The following CDH11 variants were observed in gnomAD, a reference collection of about 807,000 sequenced individuals.
The protein encoded by CDH11 is cadherin 11.
A neutral mutation model predicts 67.8 loss-of-function variants in CDH11; 11 were observed. The ratio of observed to expected loss-of-function variants is 0.16; its 90% CI spans 0.10 to 0.27. CDH11 has a LOEUF of 0.27. Among genes scored for constraint, CDH11 ranks in the 10% least tolerant of loss-of-function variants. The probability of loss-of-function intolerance (pLI) is 1.00; values close to 1 mark genes in which losing one functional copy is unlikely to be tolerated. For missense variants in CDH11, 847 were observed against 1,031.2 expected (o/e 0.82, Z 2.45); for synonymous variants, 419 against 400.0 (o/e 1.05, Z -0.57).
chr16:65,060,260 G>T (rs2074214783), intron 1 of CDH11, among the ~76,000 whole-genome samples: 1 of 151,880 alleles, frequency 6.6e-6, no homozygotes, highest in African/African-American at 2.4e-5. Flanking sequence ...ACTCAGCAAT[G>T]ATGATTTTGC....
intron 7 of CDH11, among the ~76,000 whole-genome samples, chr16:64,984,545 C>T (rs912760668): frequency 6.6e-6 from 1 of 152,106 alleles, no homozygotes; most frequent in African/African-American, 2.4e-5. Context: ...CTTAATACCC[C>T]GTAGTTTACT....
Position 64,951,030 on chromosome 16 carries a change from G to C in CDH11, c.1643-12C>G, listed in dbSNP as rs911983831. ...GCCTGCTGTGTTATCTGCAGAAAGA[G>C]GGGAGACAGGCCGTGCGCCCAGTCA... On this transcript the variant is annotated splice_polypyrimidine_tract_variant and intron_variant, in intron 11 of 12. Coordinates refer to ENST00000268603, the MANE Select transcript of CDH11 (RefSeq NM_001797.4). The C allele has an allele frequency of 8.1e-6, 13 of 1,609,252 alleles. No individual in the cohort carries two copies. The highest frequency in any genetic ancestry group is 1.0e-5 in the Non-Finnish European group (12 of 1,176,940).
At chr16:65,021,247 C>T (rs1216709678) in intron 2 of CDH11, among the ~76,000 whole-genome samples, 1 of 152,160 alleles carries the variant, frequency 6.6e-6, no homozygotes, top group African/African-American at 2.4e-5. Context: ...AAGTAAAAAA[C>T]ACCAGGTAAC....
At chr16:64,993,454 G>T (rs1449266839) in intron 4 of CDH11, among the ~76,000 whole-genome samples, 2 of 152,136 alleles carry the variant, frequency 1.3e-5, no homozygotes, top group Non-Finnish European at 2.9e-5. Flanking sequence ...AGGACAGAGT[G>T]CAATCTTCCA....
intron 1 of CDH11, among the ~76,000 whole-genome samples, chr16:65,099,252 T>TA (rs2074950000): frequency 6.6e-6 from 1 of 152,228 alleles, no homozygotes; most frequent in South Asian, 2.1e-4. Context: ...ATGGAATATT[T>TA]AAAAAAACAG....
intron 1 of CDH11, among the ~76,000 whole-genome samples, chr16:65,076,544 A>G (rs1000411258): frequency 1.3e-5 from 2 of 151,992 alleles, no homozygotes; most frequent in African/African-American, 4.8e-5. Context: ...TATTTTTTTC[A>G]ATACTTTAAG....
chr16:64,995,956 A>G (rs185599945), intron 4 of CDH11, among the ~76,000 whole-genome samples: 3 of 152,356 alleles, frequency 2.0e-5, no homozygotes, highest in East Asian at 3.9e-4. Context: ...ACTTAGCAAA[A>G]GAAGATATGC....
At chr16:65,027,076 C>T (rs1201539293) in intron 2 of CDH11, among the ~76,000 whole-genome samples, 2 of 152,048 alleles carry the variant, frequency 1.3e-5, no homozygotes, top group Non-Finnish European at 1.5e-5. Flanking sequence ...AGTATTTCAC[C>T]CAAGACAATT....
intron 2 of CDH11, among the ~76,000 whole-genome samples, chr16:65,039,221 T>C (rs1195100898): frequency 2.0e-5 from 3 of 152,228 alleles, no homozygotes; most frequent in East Asian, 3.8e-4. Context: ...TCTATTCTAA[T>C]GAATTAATTT....
chr16:65,007,777 T>A (rs992676538), intron 2 of CDH11, among the ~76,000 whole-genome samples: 1 of 152,236 alleles, frequency 6.6e-6, no homozygotes, highest in Non-Finnish European at 1.5e-5. Flanking sequence ...GATTCATACC[T>A]TGTCTCCTTA....
At chr16:65,113,561 G>T (rs1408752291) in intron 1 of CDH11, among the ~76,000 whole-genome samples, 2 of 152,172 alleles carry the variant, frequency 1.3e-5, no homozygotes, top group African/African-American at 4.8e-5. Context: ...GGTTCGAAGT[G>T]GTTAGACTGT....
chr16:64,989,210 T>C (rs1019106491), intron 6 of CDH11, among the ~76,000 whole-genome samples: 2 of 151,954 alleles, frequency 1.3e-5, no homozygotes, highest in African/African-American at 4.8e-5. Flanking sequence ...GGTGTGTAAG[T>C]GCATGATTGT....
intron 9 of CDH11, 114 bp from the exon 10 acceptor site, chr16:64,972,178 A>G (rs2072025495): frequency 1.2e-6 from 1 of 862,898 alleles, no homozygotes; most frequent in African/African-American, 1.7e-5. Context: ...GTGCAGGGAA[A>G]GATGTTCTTG....
intron 2 of CDH11, among the ~76,000 whole-genome samples, chr16:65,038,177 G>A (rs1265211072): frequency 6.6e-6 from 1 of 151,988 alleles, no homozygotes; most frequent in African/African-American, 2.4e-5. Flanking sequence ...GTCACACAGT[G>A]GGGACTGCTG....
At chr16:65,031,305 G>T (rs745938535) in intron 2 of CDH11, among the ~76,000 whole-genome samples, 2 of 152,222 alleles carry the variant, frequency 1.3e-5, no homozygotes, top group Non-Finnish European at 2.9e-5. Flanking sequence ...TGTTGTTATG[G>T]TCCTCAGGTC....
intron 6 of CDH11, among the ~76,000 whole-genome samples, chr16:64,988,771 G>A (rs1158485318): frequency 6.6e-6 from 1 of 152,080 alleles, no homozygotes; most frequent in Non-Finnish European, 1.5e-5. Flanking sequence ...AAAATTCTCT[G>A]TTTAAAAGCC....
At chr16:64,989,443 T>C (rs528222679) in intron 6 of CDH11, among the ~76,000 whole-genome samples, 1 of 152,304 alleles carries the variant, frequency 6.6e-6, no homozygotes, top group African/African-American at 2.4e-5. Context: ...GGAGAAGACA[T>C]TCTTTAGAAA....
chr16:65,114,058 A>C (rs1375483448), intron 1 of CDH11, among the ~76,000 whole-genome samples: 2 of 152,200 alleles, frequency 1.3e-5, no homozygotes, highest in African/African-American at 2.4e-5. Flanking sequence ...GAAAGTTACC[A>C]TAAAGGTTAT....
At chr16:65,037,009 T>C (rs1258757447) in intron 2 of CDH11, among the ~76,000 whole-genome samples, 1 of 152,096 alleles carries the variant, frequency 6.6e-6, no homozygotes, top group African/African-American at 2.4e-5. Flanking sequence ...TACTCTAGCC[T>C]AAGGTTTCTG....
Sources: allele counts gnomAD v4.1 joint callset (sites outside exome capture counted in the v4.1 genomes callset), GRCh38; gene constraint gnomAD v4.1.1; transcripts MANE v1.5; gene names NCBI Gene and HGNC (gene_info 2026-07-23, HGNC 2026-07-21).